The following CALD1 variants were observed in gnomAD, a reference collection of about 807,000 sequenced individuals.
CALD1 encodes caldesmon 1, also known as caldesmon.
In CALD1, 33 loss-of-function variants were observed where a neutral mutation model predicts 99.9. The observed-to-expected ratio is 0.33, with a 90% confidence interval of 0.25 to 0.44. CALD1 has a LOEUF of 0.44. Among genes scored for constraint, CALD1 ranks in the 20% least tolerant of loss-of-function variants. The pLI, the probability that CALD1 is intolerant of heterozygous loss-of-function variation, is 1.00. For synonymous variants in CALD1, 310 were observed against 325.0 expected, an observed-to-expected ratio of 0.95 and a Z score of 0.50; for missense variants, 861 against 962.1, an observed-to-expected ratio of 0.89 and a Z score of 1.39.
chr7:134,953,144 A>C (rs1807486362), intron 9 of CALD1, among the ~76,000 whole-genome samples: 1 of 152,154 alleles, frequency 6.6e-6, no homozygotes, highest in Non-Finnish European at 1.5e-5. Context: ...ATGAAATATT[A>C]TTCTTCTTTT....
chr7:134,718,017 A>C, the CALD1 span, among the ~76,000 whole-genome samples: 1 of 152,226 alleles, frequency 6.6e-6, no homozygotes, highest in Non-Finnish European at 1.5e-5. Context: ...TGCTTCCAGA[A>C]GGTAGAATTT....
chr7:134,861,289 G>A (rs182297522), intron 2 of CALD1, among the ~76,000 whole-genome samples: 2 of 152,186 alleles, frequency 1.3e-5, no homozygotes, highest in Admixed American at 1.3e-4. Context: ...GGTTTGTGAA[G>A]GAAAACAGTT....
At chr7:134,739,229 A>G in the CALD1 span, among the ~76,000 whole-genome samples, 12 of 152,254 alleles carry the variant, frequency 7.9e-5, no homozygotes, top group Non-Finnish European at 1.8e-4. Context: ...AAATGGGCAC[A>G]AACAAAAGGG....
At chr7:134,887,715 T>G (rs530745849) in intron 3 of CALD1, among the ~76,000 whole-genome samples, 3 of 150,722 alleles carry the variant, frequency 2.0e-5, no homozygotes, top group South Asian at 4.3e-4. Context: ...TGCATATGCA[T>G]GCATGCGTAT....
At chr7:134,814,393 T>A (rs1382886338) in intron 1 of CALD1, among the ~76,000 whole-genome samples, 2 of 152,054 alleles carry the variant, frequency 1.3e-5, no homozygotes, top group African/African-American at 4.8e-5. Flanking sequence ...GGAGTAGGGG[T>A]TCCACAAGGA....
chr7:134,865,004 GACACCC>G lies in CALD1; in HGVS notation c.-41-2687_-41-2682del, dbSNP rs1349261538. ...AGCTCTTTCACACTACTCTATTTGT[GACACCC>G]AGAGCCTCACGACTGATGGAATCAC... On this transcript the variant is annotated intron_variant, in intron 2 of 14. Transcript: ENST00000361675. Among the ~76,000 whole-genome samples the G allele has an allele frequency of 5.9e-5, 9 of 152,040 alleles. No homozygotes were observed. In the East Asian group the frequency reaches 1.7e-3, roughly 29 times the overall value.
intron 1 of CALD1, among the ~76,000 whole-genome samples, chr7:134,839,940 A>G (rs1185741571): frequency 6.6e-6 from 1 of 152,166 alleles, no homozygotes; most frequent in East Asian, 1.9e-4. Context: ...CTATTAGATC[A>G]TCCATCTTTT....
intron 1 of CALD1, among the ~76,000 whole-genome samples, chr7:134,797,740 G>A (rs1331055232): frequency 1.3e-5 from 2 of 152,016 alleles, no homozygotes; most frequent in African/African-American, 4.8e-5. Flanking sequence ...CTATAGGCAC[G>A]CACCACCACA....
chr7:134,780,344 T>C (rs1175653629), intron 1 of CALD1, among the ~76,000 whole-genome samples: 1 of 152,192 alleles, frequency 6.6e-6, no homozygotes, highest in African/African-American at 2.4e-5. Flanking sequence ...TTAATGTCAC[T>C]GATGGGATAT....
chr7:134,855,863 T>G (rs1465896286), intron 2 of CALD1, among the ~76,000 whole-genome samples: 1 of 152,242 alleles, frequency 6.6e-6, no homozygotes, highest in Non-Finnish European at 1.5e-5. Flanking sequence ...TTTAGCCCGG[T>G]GGTTGCCACA....
At chr7:134,869,970 C>T (rs529277087) in intron 3 of CALD1, among the ~76,000 whole-genome samples, 20 of 152,230 alleles carry the variant, frequency 1.3e-4, no homozygotes, top group Non-Finnish European at 2.2e-4. Flanking sequence ...GGAAGTCTTG[C>T]GGGCAGTGGC....
Position 134,968,887 on chromosome 7 carries a change from G to A in CALD1, c.*542G>A, listed in dbSNP as rs1331794793. The A allele has an allele frequency of 1.1e-5, 2 of 174,886 alleles. No homozygotes were observed. Among genetic ancestry groups the A allele is most frequent in the East Asian group, 1.4e-4 (1 of 7,380 alleles). 10.8% of individuals were successfully genotyped at this position (174,886 alleles called of 1,614,324 possible). On this transcript the variant is annotated 3_prime_UTR_variant, in exon 15 of 15. Transcript: ENST00000361675. ...AAAAAAAAAAGAAATGTACTGTTAA[G>A]GTATTACTTTTTTTCATGCTGATGA...
chr7:134,763,311 T>G (rs552034322), intron 1 of CALD1, among the ~76,000 whole-genome samples: 133 of 152,264 alleles, frequency 8.7e-4, no homozygotes, highest in African/African-American at 3.1e-3. Context: ...AAGAAGGCAG[T>G]GTAAATGGCA....
chr7:134,853,531 C>T lies in CALD1; in HGVS notation c.-42+9560C>T, dbSNP rs1233289325. On this transcript the variant is annotated intron_variant, in intron 2 of 14. Coordinates refer to ENST00000361675, the MANE Select transcript of CALD1 (RefSeq NM_033138.4). ...CTCTCTCATAGTAGCTTCTTTTTTT[C>T]TTCTTTTTAGGTTTCTTCCTAACAT... 2.6e-5 allele frequency among the ~76,000 whole-genome samples: 4 copies of T among 151,808 alleles called. No individual in the cohort carries two copies. The East Asian group carries it at 7.7e-4, about 29-fold the overall frequency.
chr7:134,857,668 T>C (rs1170771233), intron 2 of CALD1, among the ~76,000 whole-genome samples: 1 of 152,188 alleles, frequency 6.6e-6, no homozygotes, highest in Non-Finnish European at 1.5e-5. Context: ...AAATTATATG[T>C]CTGTTACATC....
At chr7:134,769,775 T>A (rs1796862417) in intron 1 of CALD1, among the ~76,000 whole-genome samples, 1 of 152,150 alleles carries the variant, frequency 6.6e-6, no homozygotes, top group African/African-American at 2.4e-5. Flanking sequence ...GTAGCTGGGA[T>A]TACAGGCATG....
intron 1 of CALD1, among the ~76,000 whole-genome samples, chr7:134,791,725 T>C (rs945149621): frequency 2.6e-5 from 4 of 152,158 alleles, no homozygotes; most frequent in African/African-American, 9.7e-5. Flanking sequence ...CTAACTATCA[T>C]CTTGGACCAG....
chr7:134,808,824 C>T (rs764396754), intron 1 of CALD1, among the ~76,000 whole-genome samples: 1 of 152,158 alleles, frequency 6.6e-6, no homozygotes, highest in Non-Finnish European at 1.5e-5. Flanking sequence ...CATATGCTAA[C>T]AGTTCCTAGG....
At chr7:134,812,923 T>A (rs188796717) in intron 1 of CALD1, among the ~76,000 whole-genome samples, 1 of 152,070 alleles carries the variant, frequency 6.6e-6, no homozygotes, top group African/African-American at 2.4e-5. Flanking sequence ...ATTTTTAGGG[T>A]CTTCCAACAT....
Sources: gnomAD v4.1 joint callset for allele counts (sites outside exome capture counted in the v4.1 genomes callset) on GRCh38, gnomAD v4.1.1 for gene constraint, MANE v1.5 for transcripts, NCBI Gene and HGNC (gene_info 2026-07-23, HGNC 2026-07-21) for gene names.